The following ESRRG variants were observed in gnomAD, a reference collection of about 807,000 sequenced individuals.
ESRRG encodes the protein estrogen-related receptor gamma.
A neutral mutation model predicts 44.0 loss-of-function variants in ESRRG; 13 were observed. The ratio of observed to expected loss-of-function variants is 0.30; its 90% CI spans 0.19 to 0.47. The LOEUF (loss-of-function observed/expected upper bound fraction) is 0.47. Among genes scored for constraint, ESRRG ranks in the 20% least tolerant of loss-of-function variants. The pLI is 1.00. For synonymous variants in ESRRG, 215 were observed against 214.6 expected (o/e 1.00, Z -0.02); for missense variants, 395 against 580.6 (o/e 0.68, Z 3.29).
chr1:216,627,431 C>G (rs1350267234), intron 3 of ESRRG, among the ~76,000 whole-genome samples: 1 of 152,162 alleles, frequency 6.6e-6, no homozygotes, highest in Admixed American at 6.5e-5. Context: ...CAACACATCT[C>G]AGTCCTGTTT....
intron 5 of ESRRG, among the ~76,000 whole-genome samples, chr1:216,530,357 C>G (rs1241475502): frequency 6.6e-6 from 1 of 151,800 alleles, no homozygotes; most frequent in Admixed American, 6.6e-5. Context: ...GTACAAGAGA[C>G]AAAACTAGAA....
chr1:217,095,977 A>C (rs368991013), intron 1 of ESRRG, among the ~76,000 whole-genome samples: 141 of 152,360 alleles, frequency 9.3e-4, no homozygotes, highest in African/African-American at 3.1e-3. Flanking sequence ...GTGATGGCTT[A>C]AGCTGGTAAT....
chr1:216,790,793 T>C (rs1027616204), intron 2 of ESRRG, among the ~76,000 whole-genome samples: 3 of 152,144 alleles, frequency 2.0e-5, no homozygotes, highest in African/African-American at 7.2e-5. Context: ...ATCCTCTTTA[T>C]CCATGTTTGG....
intron 2 of ESRRG, among the ~76,000 whole-genome samples, chr1:216,807,014 C>A (rs911599094): frequency 6.6e-6 from 1 of 152,110 alleles, no homozygotes. Context: ...CTTGGCAATT[C>A]CACATTCTTG....
chr1:217,025,352 T>A (rs1360092441), intron 1 of ESRRG, among the ~76,000 whole-genome samples: 2 of 148,392 alleles, frequency 1.3e-5, no homozygotes, highest in African/African-American at 5.0e-5. Flanking sequence ...ATTTCTGCTT[T>A]AAAAAAAAAA....
At chr1:216,894,907 T>G (rs1184959738) in intron 2 of ESRRG, among the ~76,000 whole-genome samples, 1 of 152,072 alleles carries the variant, frequency 6.6e-6, no homozygotes, top group Non-Finnish European at 1.5e-5. Flanking sequence ...TCCACGTTAA[T>G]TTTTTTTAAA....
intron 2 of ESRRG, among the ~76,000 whole-genome samples, chr1:216,659,765 T>G (rs1389780998): frequency 6.6e-6 from 1 of 152,184 alleles, no homozygotes; most frequent in Non-Finnish European, 1.5e-5. Context: ...ATCCCGTACT[T>G]ACCTTTCAGG....
intron 4 of ESRRG, among the ~76,000 whole-genome samples, chr1:216,565,813 A>G (rs1385227529): frequency 6.6e-6 from 1 of 152,166 alleles, no homozygotes; most frequent in African/African-American, 2.4e-5. Flanking sequence ...TTTTTCTTGT[A>G]TGCTACAGAA....
At position 216,723,391 on chromosome 1, in the gene ESRRG, T is replaced by G. The variant is rs1245580103; in HGVS notation, c.-92A>C. On this transcript the variant is annotated 5_prime_UTR_variant, in exon 1 of 7. Transcript: ENST00000408911. The stretch of plus-strand genomic sequence containing the variant: ...GCAATTAACACAAATGTTCTCCTAG[T>G]GACAAGCCTATAGGCACAGCCAGTT... 4.8e-6 allele frequency: 6 copies of G among 1,250,264 alleles called. No homozygotes were observed. The Admixed American group carries it at 1.0e-4, about 21-fold the overall frequency. The allele number at this position is 1,250,264 out of a possible 1,614,324, so 77.4% of individuals were successfully genotyped here. A position where few individuals can be genotyped will look rare whatever the true frequency, so the allele number is the denominator to read the frequency against.
intron 2 of ESRRG, among the ~76,000 whole-genome samples, chr1:216,671,848 T>C (rs576406466): frequency 6.6e-6 from 1 of 152,294 alleles, no homozygotes; most frequent in African/African-American, 2.4e-5. Context: ...ATTATTTTCT[T>C]TATTATATGG....
chr1:216,857,721 T>TAAAAA (rs10574748), intron 2 of ESRRG, among the ~76,000 whole-genome samples: 2 of 128,578 alleles, frequency 1.6e-5, no homozygotes, highest in Non-Finnish European at 3.4e-5. Context: ...AAGCCAGATT[T>TAAAAA]AAAAAAAAAA....
At chr1:217,081,314 G>A (rs1269628778) in intron 1 of ESRRG, among the ~76,000 whole-genome samples, 3 of 120,152 alleles carry the variant, frequency 2.5e-5, no homozygotes, top group Non-Finnish European at 4.8e-5. Context: ...CGCAACCTCC[G>A]ACTCCTGGGT....
At chr1:216,677,019 A>G (rs1490366341) in intron 2 of ESRRG, 57 bp downstream of exon 2, 6 of 1,368,030 alleles carry the variant, frequency 4.4e-6, no homozygotes, top group Non-Finnish European at 6.1e-6. Context: ...AAGGAAAAAC[A>G]AAAACCCATC....
At chr1:216,879,484 C>CAAAAAA (rs755104959) in intron 2 of ESRRG, among the ~76,000 whole-genome samples, 12 of 89,358 alleles carry the variant, frequency 1.3e-4, no homozygotes, top group African/African-American at 4.7e-4. Context: ...AAAAGGCCAC[C>CAAAAAA]AAAAAAAAAA....
At chr1:217,084,980 A>G (rs150450464) in intron 1 of ESRRG, among the ~76,000 whole-genome samples, 1 of 152,306 alleles carries the variant, frequency 6.6e-6, no homozygotes, top group East Asian at 1.9e-4. Context: ...ATAATATTAT[A>G]AATATACTAA....
chr1:216,551,422 G>A (rs1351256370), intron 5 of ESRRG, among the ~76,000 whole-genome samples: 1 of 152,128 alleles, frequency 6.6e-6, no homozygotes, highest in Non-Finnish European at 1.5e-5. Flanking sequence ...CCTAGTTGAT[G>A]TTTTGTGATA....
intron 5 of ESRRG, among the ~76,000 whole-genome samples, chr1:216,524,250 T>TTATATA (rs34966912): frequency 9.2e-5 from 13 of 140,760 alleles, no homozygotes; most frequent in African/African-American, 3.2e-4. Flanking sequence ...TATATGTAAG[T>TTATATA]TATATATATA....
intron 5 of ESRRG, among the ~76,000 whole-genome samples, chr1:216,541,261 C>T (rs1398386379): frequency 1.3e-5 from 2 of 151,922 alleles, no homozygotes; most frequent in African/African-American, 2.4e-5. Context: ...TGCTTCTTAA[C>T]CTGCTAAATT....
intron 2 of ESRRG, among the ~76,000 whole-genome samples, chr1:216,741,813 G>C (rs952561620): frequency 6.6e-6 from 1 of 152,154 alleles, no homozygotes; most frequent in African/African-American, 2.4e-5. Flanking sequence ...CCACACTTTC[G>C]TACATGGGTG....
Sources: allele counts gnomAD v4.1 joint callset (sites outside exome capture counted in the v4.1 genomes callset), GRCh38; gene constraint gnomAD v4.1.1; transcripts MANE v1.5; gene names NCBI Gene and HGNC (gene_info 2026-07-23, HGNC 2026-07-21).